Variants in IGF2BP3 observed in about 807,000 individuals in gnomAD.
The protein encoded by IGF2BP3 is insulin-like growth factor 2 mRNA-binding protein 3.
A neutral mutation model predicts 73.8 loss-of-function variants in IGF2BP3; 9 were observed. That is an observed-to-expected ratio of 0.12 (90% CI 0.07 to 0.21). The LOEUF is 0.21. Among genes scored for constraint, IGF2BP3 ranks in the 10% least tolerant of loss-of-function variants. The probability of loss-of-function intolerance (pLI) is 1.00; values close to 1 mark genes in which losing one functional copy is unlikely to be tolerated. For missense variants in IGF2BP3, 542 were observed against 714.0 expected, an observed-to-expected ratio of 0.76 and a Z score of 2.75; for synonymous variants, 258 against 256.7, an observed-to-expected ratio of 1.01 and a Z score of -0.05.
At chr7:23,347,863 A>G in intron 6 of IGF2BP3, 129 bp from the exon 7 acceptor site, 1 of 1,014,894 alleles carries the variant, frequency 9.9e-7, no homozygotes, top group South Asian at 1.8e-5. Flanking sequence ...CCTCAAGAGC[A>G]TAAACTTTCA....
chr7:23,445,558 G>T (rs956087788), intron 2 of IGF2BP3, among the ~76,000 whole-genome samples: 5 of 152,118 alleles, frequency 3.3e-5, no homozygotes, highest in Admixed American at 3.3e-4. Context: ...TTTGTACACA[G>T]AAAATAGCTT....
At chr7:23,349,471 TC>T (rs745468145) in intron 6 of IGF2BP3, among the ~76,000 whole-genome samples, 62 of 152,308 alleles carry the variant, frequency 4.1e-4, no homozygotes, top group Non-Finnish European at 7.2e-4. Context: ...GCTGTTTCAA[TC>T]CCCAGTCACT....
rs117150436 is a variant in IGF2BP3, at chr7:23,370,674, G to T, written c.286-8933C>A. Among the ~76,000 whole-genome samples the T allele has an allele frequency of 8.8e-3, 1,312 of 149,708 alleles. 54 individuals carry two copies. In the East Asian group the frequency reaches 0.13, roughly 15 times the overall value. On this transcript the variant is annotated intron_variant, in intron 3 of 14. Coordinates refer to ENST00000258729, the MANE Select transcript of IGF2BP3 (RefSeq NM_006547.3). ...AAAGGAAGCTAGTTCTAGGTTTTTT[G>T]GTTTTTTTGTTTTTTTTTTTTAAGA...
chr7:23,470,070 G>A lies in IGF2BP3; in HGVS notation c.41C>T (p.Ala14Val), dbSNP rs781070241. The change falls in exon 1 of 15, where the codon GCC (alanine) becomes GTC (valine). Residue 14 changes from alanine (A) to valine (V), a missense_variant. Physicochemically the swap from Ala to Val is moderately conservative, Grantham distance 64 (BLOSUM62 0). Transcript: ENST00000258729. ...GAAGATACTTTCTAGGTCCGAGGGG[G>A]CGGCGTTCTCGCTGAGGTTTCCGAT... is the stretch of plus-strand genomic sequence containing the variant. ...LYIGNLSENAAPSDLESIFKD... is the reference protein window; with the variant it reads ...LYIGNLSENAVPSDLESIFKD... 6 of 1,609,980 alleles carry A rather than the reference G, an allele frequency of 3.7e-6. No individual in the cohort carries two copies. The Admixed American group carries it at 6.7e-5, about 18-fold the overall frequency.
At chr7:23,372,672 T>C (rs143316434) in intron 3 of IGF2BP3, among the ~76,000 whole-genome samples, 232 of 152,204 alleles carry the variant, frequency 1.5e-3, no homozygotes, top group African/African-American at 5.2e-3. Context: ...TACTATAAAC[T>C]CTAAGAGATC....
At chr7:23,344,974 T>A (rs1378642953) in intron 8 of IGF2BP3, among the ~76,000 whole-genome samples, 1 of 152,236 alleles carries the variant, frequency 6.6e-6, no homozygotes, top group Non-Finnish European at 1.5e-5. Flanking sequence ...AACTCTCCCC[T>A]TTCTGGGGGT....
chr7:23,429,241 G>A (rs1313966337), intron 2 of IGF2BP3, among the ~76,000 whole-genome samples: 2 of 152,156 alleles, frequency 1.3e-5, no homozygotes, highest in African/African-American at 4.8e-5. Flanking sequence ...GAATTTCACA[G>A]AAAGTCTCTT....
At chr7:23,415,554 G>A (rs1787166102) in intron 3 of IGF2BP3, 1 of 266,918 alleles carries the variant, frequency 3.7e-6, no homozygotes. Context: ...CACCGCATCC[G>A]CAGGTCCCTG....
intron 10 of IGF2BP3, among the ~76,000 whole-genome samples, chr7:23,328,998 C>T (rs184308661): frequency 9.9e-5 from 15 of 152,092 alleles, no homozygotes; most frequent in Non-Finnish European, 1.6e-4. Flanking sequence ...TCACGAGGTC[C>T]GGAGATCGAG....
At chr7:23,358,673 T>C (rs766637615) in intron 5 of IGF2BP3, among the ~76,000 whole-genome samples, 2 of 152,218 alleles carry the variant, frequency 1.3e-5, no homozygotes, top group African/African-American at 4.8e-5. Context: ...CTACACCCAA[T>C]GCCTCTCAAA....
At chr7:23,436,308 T>C (rs1299679049) in intron 2 of IGF2BP3, among the ~76,000 whole-genome samples, 2 of 152,254 alleles carry the variant, frequency 1.3e-5, no homozygotes, top group Non-Finnish European at 2.9e-5. Context: ...TAGAGATACA[T>C]GCTGAAGAAT....
At chr7:23,368,139 T>C (rs568849650) in intron 3 of IGF2BP3, among the ~76,000 whole-genome samples, 1 of 152,212 alleles carries the variant, frequency 6.6e-6, no homozygotes, top group Non-Finnish European at 1.5e-5. Flanking sequence ...TAGTCTGAAG[T>C]AGAAACAACC....
intron 2 of IGF2BP3, among the ~76,000 whole-genome samples, chr7:23,426,100 G>A (rs2128539455): frequency 1.3e-5 from 2 of 152,254 alleles, no homozygotes; most frequent in South Asian, 4.1e-4. Context: ...GCCAAGGCAG[G>A]CAGATCACCT....
chr7:23,445,036 C>A (rs570020481), intron 2 of IGF2BP3, among the ~76,000 whole-genome samples: 1 of 152,074 alleles, frequency 6.6e-6, no homozygotes, highest in African/African-American at 2.4e-5. Flanking sequence ...CCAGCCTGGG[C>A]GGCAGAGTGA....
intron 3 of IGF2BP3, among the ~76,000 whole-genome samples, chr7:23,386,007 A>G (rs1384326395): frequency 6.6e-6 from 1 of 152,236 alleles, no homozygotes; most frequent in Admixed American, 6.5e-5. Context: ...ACATGCTGAA[A>G]TAATTTCTAA....
chr7:23,354,775 A>T (rs1243523332), intron 5 of IGF2BP3, among the ~76,000 whole-genome samples: 1 of 152,218 alleles, frequency 6.6e-6, no homozygotes, highest in Non-Finnish European at 1.5e-5. Context: ...TCTGGGCCCC[A>T]ATGGCTCCAA....
In IGF2BP3 at chr7:23,427,637, G is replaced by A. The variant is rs189118575; in HGVS notation, c.237-8813C>T. 6.4e-3 allele frequency among the ~76,000 whole-genome samples: 974 copies of A among 151,972 alleles called. 8 individuals are homozygous for A. Among genetic ancestry groups the A allele is most frequent in the African/African-American group, 0.023 (938 of 41,456 alleles). Reference sequence around the variant, plus strand: ...CTGTAATCCCAGCACTTTGGAAGGCGGAGGTGGGTGGATCACCTGAGGTCC... The same window carrying A: ...CTGTAATCCCAGCACTTTGGAAGGCAGAGGTGGGTGGATCACCTGAGGTCC... On this transcript the variant is annotated intron_variant, in intron 2 of 14. Transcript: ENST00000258729.
At chr7:23,455,977 G>A (rs1490607199) in intron 2 of IGF2BP3, among the ~76,000 whole-genome samples, 1 of 152,088 alleles carries the variant, frequency 6.6e-6, no homozygotes, top group African/African-American at 2.4e-5. Context: ...GAGCCACTGC[G>A]CCCGGCAGGG....
intron 2 of IGF2BP3, among the ~76,000 whole-genome samples, chr7:23,465,138 A>G (rs1416573459): frequency 1.3e-5 from 2 of 152,190 alleles, no homozygotes; most frequent in African/African-American, 4.8e-5. Flanking sequence ...AGGGGCACAA[A>G]CAAGGCCCCA....
Sources: allele counts gnomAD v4.1 joint callset (sites outside exome capture counted in the v4.1 genomes callset), GRCh38; gene constraint gnomAD v4.1.1; transcripts MANE v1.5; gene names NCBI Gene and HGNC (gene_info 2026-07-23, HGNC 2026-07-21).